B4GALT5: variants seen among roughly 807,000 people sequenced by gnomAD.
B4GALT5 encodes UDP-Gal:beta-GlcNAc beta-1,4-galactosyltransferase 5.
Under a neutral mutation model 45.0 loss-of-function variants are expected in B4GALT5, and 11 were observed. The observed-to-expected ratio is 0.24, with a 90% confidence interval of 0.15 to 0.40. B4GALT5 has a LOEUF of 0.40. Among genes scored for constraint, B4GALT5 ranks in the 10% least tolerant of loss-of-function variants. The pLI is 1.00. For missense variants in B4GALT5, 337 were observed against 500.2 expected (o/e 0.67, Z 3.11); for synonymous variants, 185 against 182.9 (o/e 1.01, Z -0.09).
intron 1 of B4GALT5, among the ~76,000 whole-genome samples, chr20:49,659,317 T>C (rs1211330567): frequency 6.6e-6 from 1 of 152,206 alleles, no homozygotes; most frequent in Non-Finnish European, 1.5e-5. Flanking sequence ...AGTCTATTCT[T>C]TCTGCCGTGC....
At chr20:49,690,780 T>G (rs992171180) in intron 1 of B4GALT5, among the ~76,000 whole-genome samples, 3 of 152,204 alleles carry the variant, frequency 2.0e-5, no homozygotes, top group African/African-American at 7.2e-5. Context: ...CAAGTATTCT[T>G]GTTTCCTAAA....
chr20:49,676,934 T>G (rs997854522), intron 1 of B4GALT5, among the ~76,000 whole-genome samples: 1 of 152,270 alleles, frequency 6.6e-6, no homozygotes, highest in South Asian at 2.1e-4. Context: ...ATTCCACCTA[T>G]GTAATCATTC....
At chr20:49,651,019 G>A (rs555082615) in intron 2 of B4GALT5, among the ~76,000 whole-genome samples, 5 of 152,290 alleles carry the variant, frequency 3.3e-5, no homozygotes, top group South Asian at 2.1e-4. Context: ...AAAACAAGCC[G>A]GGCGCGGTGA....
At chr20:49,689,744 T>C (rs2085802365) in intron 1 of B4GALT5, among the ~76,000 whole-genome samples, 1 of 152,222 alleles carries the variant, frequency 6.6e-6, no homozygotes, top group Non-Finnish European at 1.5e-5. Flanking sequence ...AGGTGTGCAT[T>C]TGCGGAGTTT....
chr20:49,711,029 G>T (rs1341081812), intron 1 of B4GALT5, among the ~76,000 whole-genome samples: 2 of 148,788 alleles, frequency 1.3e-5, no homozygotes, highest in Non-Finnish European at 3.0e-5. Context: ...GCTGCAGTAA[G>T]CTATGAGCAT....
At chr20:49,639,064 C>CA (rs1164441090) in intron 7 of B4GALT5, among the ~76,000 whole-genome samples, 2 of 152,254 alleles carry the variant, frequency 1.3e-5, no homozygotes, top group Middle Eastern at 3.4e-3. Context: ...AACTGACACA[C>CA]AGAGATTTTA....
At position 49,642,506 on chromosome 20, in the gene B4GALT5, G is replaced by A. The variant is rs747038502; in HGVS notation, c.568C>T (p.Arg190Cys). Residue 190 changes from arginine (R) to cysteine (C), a missense_variant, in exon 5 of 9, where the codon CGC becomes TGC. By Grantham distance (180) the Arg-to-Cys change is radical. This residue lies in a region of B4GALT5 where 163 missense variants were observed against 292.8 expected (regional missense o/e 0.56). Coordinates refer to ENST00000371711, the MANE Select transcript of B4GALT5 (RefSeq NM_004776.4). Reference sequence around the variant, plus strand: ...TAAAATGCAAACTGCAAGCGCTGGCGCTGGAGCATGGGAAGCAGGTGTCTG... The same window carrying A: ...TAAAATGCAAACTGCAAGCGCTGGCACTGGAGCATGGGAAGCAGGTGTCTG... ...LFRHLLPMLQ[R>C]QRLQFAFYVV... 21 of 1,614,130 alleles carry A rather than the reference G, an allele frequency of 1.3e-5. No homozygotes were observed. Among genetic ancestry groups the A allele is most frequent in the Non-Finnish European group, 8.5e-6 (10 of 1,179,972 alleles).
In B4GALT5 at chr20:49,672,386, A is replaced by T. The variant is rs146410050; in HGVS notation, c.116-15684T>A. 6.4e-4 allele frequency among the ~76,000 whole-genome samples: 97 copies of T among 152,352 alleles called. 1 individual carries two copies. Among genetic ancestry groups the T allele is most frequent in the African/African-American group, 1.9e-3 (78 of 41,572 alleles). On this transcript the variant is annotated intron_variant, in intron 1 of 8. Transcript: ENST00000371711. Reference sequence around the variant, plus strand: ...AAGCACTTGAAAATTTCTAGCTTCTAAGGCACACACACTTAGCAAAACAAA... The same window carrying T: ...AAGCACTTGAAAATTTCTAGCTTCTTAGGCACACACACTTAGCAAAACAAA...
intron 2 of B4GALT5, among the ~76,000 whole-genome samples, chr20:49,653,245 C>G (rs1047432521): frequency 6.6e-6 from 1 of 152,074 alleles, no homozygotes; most frequent in Admixed American, 6.6e-5. Context: ...TGTTGGCACT[C>G]AAGGTTTCAT....
chr20:49,712,612 C>T (rs964699805), intron 1 of B4GALT5, among the ~76,000 whole-genome samples: 2 of 152,184 alleles, frequency 1.3e-5, no homozygotes, highest in African/African-American at 4.8e-5. Flanking sequence ...ATCATATCCC[C>T]TTCTCTACGG....
chr20:49,679,229 C>T (rs554220075), intron 1 of B4GALT5, among the ~76,000 whole-genome samples: 50 of 152,222 alleles, frequency 3.3e-4, no homozygotes, highest in Middle Eastern at 6.8e-3. Flanking sequence ...ATTTTCTTCT[C>T]CCCCAATTTT....
intron 2 of B4GALT5, among the ~76,000 whole-genome samples, chr20:49,652,561 C>T (rs557080318): frequency 1.3e-5 from 2 of 151,878 alleles, no homozygotes; most frequent in East Asian, 1.9e-4. Context: ...AGATGACCCA[C>T]TCCATTAATA....
intron 2 of B4GALT5, among the ~76,000 whole-genome samples, 200 bp from the exon 3 acceptor site, chr20:49,647,278 T>C (rs757825233): frequency 2.4e-4 from 36 of 152,226 alleles, no homozygotes; most frequent in Non-Finnish European, 4.6e-4. Context: ...TTAACCAGTG[T>C]TCCTATTCCT....
At chr20:49,638,607 T>C (rs2085563677) in intron 7 of B4GALT5, among the ~76,000 whole-genome samples, 1 of 152,154 alleles carries the variant, frequency 6.6e-6, no homozygotes, top group South Asian at 2.1e-4. Flanking sequence ...GAAATGGGCA[T>C]TTAGTACAGA....
intron 1 of B4GALT5, among the ~76,000 whole-genome samples, chr20:49,701,404 T>C (rs1161483174): frequency 6.6e-6 from 1 of 152,152 alleles, no homozygotes; most frequent in East Asian, 1.9e-4. Flanking sequence ...GTCCAGCAGC[T>C]TTTACACGTT....
chr20:49,646,857 T>A lies in B4GALT5; in HGVS notation c.364+108A>T, dbSNP rs148967335. ...CAACTTTCACAAACCCTGTTTCCAA[T>A]GGCAGGGAGGTATTTATATTCTCTC... On this transcript the variant is annotated intron_variant, in intron 3 of 8. Transcript: ENST00000371711. 2.8e-5 allele frequency: 18 copies of A among 649,782 alleles called. No homozygotes were observed. The African/African-American group carries it at 3.4e-4, about 12-fold the overall frequency. 40.3% of individuals were successfully genotyped at this position (649,782 alleles called of 1,614,324 possible).
intron 1 of B4GALT5, among the ~76,000 whole-genome samples, chr20:49,697,239 T>C (rs1482167740): frequency 2.0e-5 from 3 of 152,204 alleles, no homozygotes; most frequent in Admixed American, 6.5e-5. Context: ...ACCCAGGCAG[T>C]TGTTGTCTGC....
chr20:49,712,960 A>T (rs2085923555), intron 1 of B4GALT5, among the ~76,000 whole-genome samples: 1 of 151,334 alleles, frequency 6.6e-6, no homozygotes, highest in Non-Finnish European at 1.5e-5. Flanking sequence ...CAGGCCACTG[A>T]AGAGGTGAAC....
chr20:49,684,733 CATTCCA>C, intron 1 of B4GALT5: 1 of 487,466 alleles, frequency 2.1e-6, no homozygotes. Context: ...CAAATAATTC[CATTCCA>C]ATTCCCCAGA....
Sources: allele counts gnomAD v4.1 joint callset (sites outside exome capture counted in the v4.1 genomes callset), GRCh38; gene constraint gnomAD v4.1.1; regional missense constraint gnomAD v4.1.1; transcripts MANE v1.5; gene names NCBI Gene and HGNC (gene_info 2026-07-23, HGNC 2026-07-21).